The following TRMT10B variants were observed in gnomAD, a reference collection of about 807,000 sequenced individuals.
TRMT10B encodes the protein tRNA methyltransferase 10B.
Under a neutral mutation model 43.8 loss-of-function variants are expected in TRMT10B, and 33 were observed. The observed-to-expected ratio is 0.75, with a 90% confidence interval of 0.57 to 1.01. The LOEUF is 1.01. TRMT10B is among the 50% of genes least tolerant of loss of function. The pLI is 0.00. For synonymous variants in TRMT10B, 137 were observed against 130.6 expected, an observed-to-expected ratio of 1.05 and a Z score of -0.34; for missense variants, 362 against 369.8, an observed-to-expected ratio of 0.98 and a Z score of 0.17.
rs58555303 is a variant in TRMT10B at position 37,758,419 on chromosome 9, A to C, written c.-29-3484A>C. Among the ~76,000 whole-genome samples, 1,362 of 152,292 alleles carry C rather than the reference A, an allele frequency of 8.9e-3. 20 individuals carry two copies. The highest frequency in any genetic ancestry group is 0.031 in the African/African-American group (1,306 of 41,526). On this transcript the variant is annotated intron_variant, in intron 1 of 8. Transcript: ENST00000297994. Reference sequence around the variant, plus strand: ...AGAGTGAGACCCTGTCTGAAAAAATAATAGTTTACAAATTTGGTTTACAAA... The same window carrying C: ...AGAGTGAGACCCTGTCTGAAAAAATCATAGTTTACAAATTTGGTTTACAAA...
chr9:37,768,368 A>C, intron 5 of TRMT10B, 140 bp downstream of exon 5: 1 of 961,952 alleles, frequency 1.0e-6, no homozygotes, highest in Non-Finnish European at 1.5e-6. Context: ...ATAAGTTCTT[A>C]AATTTAAAAT....
chr9:37,763,590 G>C (rs751021939), intron 3 of TRMT10B, 39 bp from the exon 4 acceptor site: 3 of 1,582,580 alleles, frequency 1.9e-6, no homozygotes, highest in Admixed American at 3.4e-5. Context: ...TATTCCTCTG[G>C]TTTTCCACTT....
intron 4 of TRMT10B, among the ~76,000 whole-genome samples, chr9:37,764,379 TG>T (rs1033499513): frequency 8.3e-5 from 12 of 144,680 alleles, no homozygotes; most frequent in African/African-American, 3.1e-4. Flanking sequence ...TGGAGTGCAG[TG>T]GTGCAATCTT....
rs776956718 is a variant in TRMT10B at position 37,777,679 on chromosome 9, G to T, written c.923G>T (p.Gly308Val). The T allele has an allele frequency of 3.7e-6, 6 of 1,613,926 alleles. No individual in the cohort carries two copies. The highest frequency in any genetic ancestry group is 3.3e-5 in the Admixed American group (2 of 60,002). The change falls in exon 9 of 9, where the codon GGC becomes GTC. Residue 308 changes from glycine to valine, a missense_variant. Transcript: ENST00000297994. ...AAGAAAGGAGTTTCTTCAGGAAAAG[G>T]CTATATTCTTCGGAACTCAGTGGAA... ...ALKKGVSSGK[G>V]YILRNSVE
At position 37,761,877 on chromosome 9, in the gene TRMT10B, G is replaced by A. The variant is rs555815434; in HGVS notation, c.-29-26G>A. ...CCTATGTTAGTGAAATAATGTAATAGCTCACATAATTGTGCCTTTTTCCAG... is the reference window on the plus strand; with the variant it reads ...CCTATGTTAGTGAAATAATGTAATAACTCACATAATTGTGCCTTTTTCCAG... On this transcript the variant is annotated intron_variant, in intron 1 of 8. Coordinates refer to ENST00000297994, the MANE Select transcript of TRMT10B (RefSeq NM_144964.4). 6 of 1,487,444 alleles carry A rather than the reference G, an allele frequency of 4.0e-6. No homozygotes were observed. The South Asian group carries it at 7.3e-5, about 18-fold the overall frequency. The allele number at this position is 1,487,444 out of a possible 1,614,324, so 92.1% of individuals were successfully genotyped here. A position where few individuals can be genotyped will look rare whatever the true frequency, so the allele number is the denominator to read the frequency against.
chr9:37,762,237 G>A lies in TRMT10B; in HGVS notation c.186+120G>A, dbSNP rs1826426125. On this transcript the variant is annotated intron_variant, in intron 2 of 8. Transcript: ENST00000297994. ...ACGGAATGAGTTTTGTGTATTCTGA[G>A]TGATGAATTTTCTGCTAACTGGTTT... The A allele has an allele frequency of 1.2e-5, 14 of 1,180,396 alleles. No homozygotes were observed. The East Asian group carries it at 3.6e-4, about 30-fold the overall frequency. The allele number at this position is 1,180,396 out of a possible 1,614,324, so 73.1% of individuals were successfully genotyped here.
chr9:37,775,322 CCTTT>C (rs113311377), intron 7 of TRMT10B, among the ~76,000 whole-genome samples: 2,853 of 152,248 alleles, frequency 0.019, 88 homozygotes, highest in African/African-American at 0.065. Flanking sequence ...GTAATCTGAA[CCTTT>C]CTCTTTAATC....
chr9:37,759,934 A>C (rs1240261971), intron 1 of TRMT10B, among the ~76,000 whole-genome samples: 1 of 152,238 alleles, frequency 6.6e-6, no homozygotes, highest in Non-Finnish European at 1.5e-5. Flanking sequence ...CCACATACAC[A>C]AATTCATTAA....
intron 4 of TRMT10B, among the ~76,000 whole-genome samples, chr9:37,766,658 A>C (rs1827017656): frequency 6.6e-6 from 1 of 152,204 alleles, no homozygotes; most frequent in South Asian, 2.1e-4. Context: ...GAATCTATAA[A>C]TTACCTTGGG....
intron 1 of TRMT10B, among the ~76,000 whole-genome samples, chr9:37,760,523 TAGTA>T (rs1458191395): frequency 1.3e-5 from 2 of 152,158 alleles, no homozygotes; most frequent in Admixed American, 1.3e-4. Context: ...GTCTCAAAAA[TAGTA>T]ATAATACGGA....
At chr9:37,777,527 C>T (rs1247057740) in intron 8 of TRMT10B, 74 bp from the exon 9 acceptor site, 2 of 1,271,258 alleles carry the variant, frequency 1.6e-6, no homozygotes, top group South Asian at 1.2e-5. Context: ...CGAAATATTA[C>T]AGAACATCCT....
intron 1 of TRMT10B, among the ~76,000 whole-genome samples, chr9:37,758,379 C>T (rs1825940709): frequency 1.3e-5 from 2 of 152,030 alleles, no homozygotes; most frequent in African/African-American, 2.4e-5. Context: ...ACCACTGCAC[C>T]CCAGCCTGGG....
intron 1 of TRMT10B, among the ~76,000 whole-genome samples, chr9:37,754,565 G>A (rs962215137): frequency 2.0e-5 from 3 of 152,116 alleles, no homozygotes; most frequent in African/African-American, 7.2e-5. Context: ...CAGGGCTCGG[G>A]TACTGAGGGT....
chr9:37,756,490 TG>T (rs1274319763), intron 1 of TRMT10B, among the ~76,000 whole-genome samples: 1 of 151,844 alleles, frequency 6.6e-6, no homozygotes, highest in African/African-American at 2.4e-5. Flanking sequence ...GTGGATCACT[TG>T]GGTCAGGAGT....
chr9:37,761,969 A>G lies in TRMT10B; in HGVS notation c.38A>G (p.Glu13Gly), dbSNP rs201238386. Residue 13 changes from glutamate to glycine, a missense_variant, in exon 2 of 9, where the codon GAG (glutamate) becomes GGG (glycine). Physicochemically the swap from Glu to Gly is moderately conservative, Grantham distance 98. Transcript: ENST00000297994. ...TTGGAAGGGAGTACTCAGAAAGTAG[A>G]GTCACCTGTGCTGCAGGGGCAAGAA... is the stretch of plus-strand genomic sequence containing the variant. ...WKLEGSTQKV[E>G]SPVLQGQEGI... is the part of the protein sequence containing the mutation. The G allele has an allele frequency of 1.2e-6, 2 of 1,613,914 alleles. No homozygotes were observed. The highest frequency in any genetic ancestry group is 1.7e-6 in the Non-Finnish European group (2 of 1,179,880).
chr9:37,755,268 C>CTTTTTTTTT (rs61444533), intron 1 of TRMT10B, among the ~76,000 whole-genome samples: 2 of 124,458 alleles, frequency 1.6e-5, no homozygotes, highest in Non-Finnish European at 1.7e-5. Flanking sequence ...AAGACTCCGT[C>CTTTTTTTTT]TTTTTTTTTT....
intron 5 of TRMT10B, among the ~76,000 whole-genome samples, chr9:37,768,440 G>C (rs1426076024): frequency 6.6e-6 from 1 of 152,040 alleles, no homozygotes; most frequent in East Asian, 1.9e-4. Flanking sequence ...ACTGTATTTT[G>C]TATCCCGTAT....
At chr9:37,765,576 A>T (rs1332248431) in intron 4 of TRMT10B, among the ~76,000 whole-genome samples, 1 of 152,190 alleles carries the variant, frequency 6.6e-6, no homozygotes, top group Non-Finnish European at 1.5e-5. Context: ...TAGAAGCATG[A>T]TTTATAATCC....
chr9:37,773,319 T>C (rs1827790469), intron 7 of TRMT10B, among the ~76,000 whole-genome samples: 2 of 151,902 alleles, frequency 1.3e-5, no homozygotes, highest in South Asian at 4.2e-4. Context: ...CGAAGTCTCT[T>C]GATGTTGCTC....
Sources: allele counts gnomAD v4.1 joint callset (sites outside exome capture counted in the v4.1 genomes callset), GRCh38; gene constraint gnomAD v4.1.1; transcripts MANE v1.5; gene names NCBI Gene and HGNC (gene_info 2026-07-23, HGNC 2026-07-21).